ATPSCKMT: variants seen among roughly 807,000 people sequenced by gnomAD.
The protein encoded by ATPSCKMT is ATP synthase subunit C lysine N-methyltransferase.
Under a neutral mutation model 24.3 loss-of-function variants are expected in ATPSCKMT, and 24 were observed. The observed-to-expected ratio is 0.99, with a 90% CI of 0.71 to 1.39. The LOEUF (loss-of-function observed/expected upper bound fraction) is 1.39, where lower values mean the gene tolerates loss of function less well. ATPSCKMT is among the 40% of genes most tolerant of loss of function. The pLI is 0.00. For synonymous variants in ATPSCKMT, 95 were observed against 110.5 expected, an observed-to-expected ratio of 0.86 and a Z score of 0.88; for missense variants, 311 against 298.4, an observed-to-expected ratio of 1.04 and a Z score of -0.31.
chr5:10,227,605 C>T lies in ATPSCKMT; in HGVS notation c.538G>A (p.Asp180Asn). 1 of 1,614,226 alleles carries T rather than the reference C, an allele frequency of 6.2e-7. No homozygotes were observed. The highest frequency in any genetic ancestry group is 1.1e-5 in the South Asian group (1 of 91,084). Residue 180 changes from aspartate to asparagine, a missense_variant, in exon 5 of 5, where the codon GAT becomes AAT. Asp to Asn is a conservative substitution (Grantham distance 23). Coordinates refer to ENST00000511437, the MANE Select transcript of ATPSCKMT (RefSeq NM_199133.4). ...AACCGGCAAGCAATAACTCGTGCAT[C>T]ATCCTCAAGTTCACGTTCAAGTTTC... ...EKKLERELED[D>N]ARVIACRFPF... is the part of the protein sequence containing the mutation.
At chr5:10,244,909 CAAA>C (rs60578858) in intron 1 of ATPSCKMT, among the ~76,000 whole-genome samples, 17 of 137,134 alleles carry the variant, frequency 1.2e-4, no homozygotes, top group Non-Finnish European at 1.2e-4. Flanking sequence ...CCCTGGTTGT[CAAA>C]AAAAAAAAAA....
At chr5:10,234,387 T>C (rs986530501) in intron 4 of ATPSCKMT, among the ~76,000 whole-genome samples, 1 of 152,118 alleles carries the variant, frequency 6.6e-6, no homozygotes, top group Non-Finnish European at 1.5e-5. Context: ...GTAAAGAATA[T>C]GGCATTATAC....
chr5:10,247,627 T>C (rs1744993828), intron 1 of ATPSCKMT, among the ~76,000 whole-genome samples: 1 of 152,210 alleles, frequency 6.6e-6, no homozygotes, highest in African/African-American at 2.4e-5. Flanking sequence ...TGCCAGGACC[T>C]GTATTGATTC....
rs1744369156 is a variant in ATPSCKMT at position 10,236,360 on chromosome 5, A to T, written c.444+118T>A. 3 of 1,226,032 alleles carry T rather than the reference A, an allele frequency of 2.4e-6. No homozygotes were observed. In the Admixed American group the frequency reaches 8.0e-5, roughly 33 times the overall value. The allele number at this position is 1,226,032 out of a possible 1,614,324, so 75.9% of individuals were successfully genotyped here. On this transcript the variant is annotated intron_variant, in intron 3 of 4. Transcript: ENST00000511437. ...TTTACATATTTCATTATGCCAGAAT[A>T]TTCACTTGGATTTTAATTATTTTTC...
chr5:10,236,454 AG>A, intron 3 of ATPSCKMT, 23 bp downstream of exon 3: 2 of 1,608,180 alleles, frequency 1.2e-6, no homozygotes, highest in Non-Finnish European at 1.7e-6. Context: ...GGATTTCTCT[AG>A]GGCCATTCTC....
Position 10,239,126 on chromosome 5 carries a change from T to C in ATPSCKMT, c.247A>G (p.Lys83Glu), listed in dbSNP as rs747088291. The C allele has an allele frequency of 6.2e-7, 1 of 1,614,194 alleles. No homozygotes were observed. The highest frequency in any genetic ancestry group is 2.2e-5 in the East Asian group (1 of 44,886). The change falls in exon 2 of 5, where the codon AAA becomes GAA. Residue 83 changes from lysine (K) to glutamate (E), a missense_variant. By Grantham distance (56) the Lys-to-Glu change is moderately conservative (BLOSUM62 1). Coordinates refer to ENST00000511437, the MANE Select transcript of ATPSCKMT (RefSeq NM_199133.4). The part of the protein sequence containing the change: ...ATTKQIENVV[K>E]MLRCRRGSLV... ...GATCCTCTTCGGCATCGCAACATTT[T>C]CACAACATTTTCAATCTGCTTCGTA...
At chr5:10,240,054 A>G (rs2607323) in intron 1 of ATPSCKMT, among the ~76,000 whole-genome samples, 100,554 of 149,090 alleles carry the variant, frequency 0.67, 35,417 homozygotes, top group East Asian at 0.86. Context: ...GTGAAACCCC[A>G]TCTCTACTAA....
chr5:10,244,975 T>C (rs1031674048), intron 1 of ATPSCKMT, among the ~76,000 whole-genome samples: 3 of 152,030 alleles, frequency 2.0e-5, no homozygotes, highest in African/African-American at 2.4e-5. Context: ...TAAAAAATTA[T>C]CTTGTGGACA....
intron 4 of ATPSCKMT, among the ~76,000 whole-genome samples, chr5:10,231,355 G>C (rs11742483): frequency 0.61 from 92,947 of 151,756 alleles, 29,697 homozygotes; most frequent in East Asian, 0.86. Flanking sequence ...CTTATAACCT[G>C]TCTCCCAGCT....
chr5:10,233,172 T>A (rs1410905126), intron 4 of ATPSCKMT, among the ~76,000 whole-genome samples: 1 of 152,086 alleles, frequency 6.6e-6, no homozygotes, highest in Non-Finnish European at 1.5e-5. Flanking sequence ...TACCTGGGCA[T>A]CAGCAGGGAA....
intron 1 of ATPSCKMT, among the ~76,000 whole-genome samples, chr5:10,247,358 T>A (rs1239538993): frequency 6.6e-6 from 1 of 152,220 alleles, no homozygotes; most frequent in Non-Finnish European, 1.5e-5. Context: ...GATTCCTTTT[T>A]GCGATGGGGT....
At chr5:10,235,415 A>G (rs1744331279) in intron 3 of ATPSCKMT, among the ~76,000 whole-genome samples, 154 bp from the exon 4 acceptor site, 1 of 152,242 alleles carries the variant, frequency 6.6e-6, no homozygotes, top group Admixed American at 6.5e-5. Context: ...AAGATTTCAC[A>G]AGGAAAAGAA....
intron 4 of ATPSCKMT, among the ~76,000 whole-genome samples, chr5:10,233,363 G>A (rs1328909643): frequency 1.3e-5 from 2 of 151,936 alleles, no homozygotes; most frequent in Non-Finnish European, 2.9e-5. Context: ...CCCAGCCTCC[G>A]CACCCCTGAC....
In ATPSCKMT at chr5:10,227,385, G is replaced by C. The variant is rs1743927881; in HGVS notation, c.*56C>G. On this transcript the variant is annotated 3_prime_UTR_variant, in exon 5 of 5. Coordinates refer to ENST00000511437, the MANE Select transcript of ATPSCKMT (RefSeq NM_199133.4). ...TCCTTTGCTAAGGACACAGCTGTAAGTCTCTACAAGATCAGGGAAGACTAC... is the reference window on the plus strand; with the variant it reads ...TCCTTTGCTAAGGACACAGCTGTAACTCTCTACAAGATCAGGGAAGACTAC... 1.3e-6 allele frequency: 2 copies of C among 1,565,826 alleles called. No homozygotes were observed. The highest frequency in any genetic ancestry group is 1.7e-5 in the Admixed American group (1 of 59,830).
chr5:10,233,001 A>G (rs1437695855), intron 4 of ATPSCKMT, among the ~76,000 whole-genome samples: 2 of 152,338 alleles, frequency 1.3e-5, no homozygotes, highest in East Asian at 1.9e-4. Context: ...AGATAGATAC[A>G]TACTTGTGTG....
At chr5:10,247,389 G>A (rs1744983087) in intron 1 of ATPSCKMT, among the ~76,000 whole-genome samples, 1 of 152,216 alleles carries the variant, frequency 6.6e-6, no homozygotes, top group Non-Finnish European at 1.5e-5. Context: ...CGTCCAGGCT[G>A]GAGTGCAGTA....
chr5:10,232,420 C>T (rs1161831072), intron 4 of ATPSCKMT, among the ~76,000 whole-genome samples: 1 of 152,208 alleles, frequency 6.6e-6, no homozygotes, highest in Non-Finnish European at 1.5e-5. Flanking sequence ...TGGTCCCTGC[C>T]CCTGAGCTGA....
At chr5:10,240,841 C>T (rs535588092) in intron 1 of ATPSCKMT, among the ~76,000 whole-genome samples, 11 of 151,698 alleles carry the variant, frequency 7.3e-5, no homozygotes, top group African/African-American at 2.2e-4. Flanking sequence ...ACTAAAAACA[C>T]AAAATTAGCC....
chr5:10,239,341 G>A lies in ATPSCKMT; in HGVS notation c.32C>T (p.Thr11Ile). The A allele has an allele frequency of 1.2e-6, 2 of 1,613,582 alleles. No homozygotes were observed. The highest frequency in any genetic ancestry group is 2.2e-5 in the East Asian group (1 of 44,866). Residue 11 changes from threonine (T) to isoleucine (I), a missense_variant, in exon 2 of 5, where the codon ACA becomes ATA. By Grantham distance (89) the Thr-to-Ile change is moderately conservative. Transcript: ENST00000511437. MEGGGGIPLE[T>I]LKEESQSRHV... ...TCTTGACTGACTTTCTTCTTTAAGT[G>A]TTTCTAGGGGTATACCTAGATTGAA...
Sources: gnomAD v4.1 joint callset for allele counts (sites outside exome capture counted in the v4.1 genomes callset) on GRCh38, gnomAD v4.1.1 for gene constraint, MANE v1.5 for transcripts, NCBI Gene and HGNC (gene_info 2026-07-23, HGNC 2026-07-21) for gene names.